The following CRYBG1 variants were observed in gnomAD, a reference collection of about 807,000 sequenced individuals.
The protein encoded by CRYBG1 is beta/gamma crystallin domain-containing protein 1.
A neutral mutation model predicts 189.2 loss-of-function variants in CRYBG1; 139 were observed. The observed-to-expected ratio is 0.73, with a 90% CI of 0.64 to 0.85. The LOEUF (loss-of-function observed/expected upper bound fraction) is 0.85. Ranked by LOEUF, CRYBG1 falls within the 40% of genes least tolerant of loss-of-function variation. The pLI, the probability that CRYBG1 is intolerant of heterozygous loss-of-function variation, is 0.00. For synonymous variants in CRYBG1, 1,023 were observed against 1,017.1 expected, an observed-to-expected ratio of 1.01 and a Z score of -0.11; for missense variants, 2,611 against 2,675.8, an observed-to-expected ratio of 0.98 and a Z score of 0.53.
intron 2 of CRYBG1, among the ~76,000 whole-genome samples, chr6:106,471,220 G>A (rs1772227137): frequency 6.6e-6 from 1 of 152,198 alleles, no homozygotes; most frequent in Non-Finnish European, 1.5e-5. Context: ...GGTTTCTTGA[G>A]AATGATTCTA....
At chr6:106,455,945 TTGCTAAATCAC>T (rs1232501730) in intron 2 of CRYBG1, among the ~76,000 whole-genome samples, 2 of 152,162 alleles carry the variant, frequency 1.3e-5, no homozygotes, top group Non-Finnish European at 2.9e-5. Flanking sequence ...CTATAGACTA[TTGCTAAATCAC>T]TGCTGCTCCT....
At chr6:106,378,536 G>A (rs543983266) in intron 1 of CRYBG1, among the ~76,000 whole-genome samples, 10 of 152,288 alleles carry the variant, frequency 6.6e-5, no homozygotes, top group African/African-American at 2.4e-4. Flanking sequence ...CTACCAGGTT[G>A]CCCTCTCTTA....
chr6:106,481,075 G>A (rs1255203151), intron 2 of CRYBG1, among the ~76,000 whole-genome samples: 5 of 84,976 alleles, frequency 5.9e-5, no homozygotes, highest in African/African-American at 1.6e-4. Context: ...CCGGGTTCAC[G>A]CCATTCTCCT....
rs557475793 is a variant in CRYBG1, at chr6:106,361,034, T to G, written c.126T>G (p.Cys42Trp). The change falls in exon 1 of 22, where the codon TGT becomes TGG. Residue 42 changes from cysteine to tryptophan, a missense_variant. This residue lies in a region of CRYBG1 where 985 missense variants were observed against 924.4 expected (regional missense o/e 1.07). Coordinates refer to ENST00000633556, the MANE Select transcript of CRYBG1 (RefSeq NM_001371242.2). ...KKKQQPAPPDCGVFVPHPLPA... is the reference protein window; with the variant it reads ...KKKQQPAPPDWGVFVPHPLPA... ...AGCAGCAGCCGGCGCCGCCTGACTG[T>G]GGGGTGTTCGTTCCGCACCCGCTCC... 184 of 1,534,960 alleles carry G rather than the reference T, an allele frequency of 1.2e-4. No individual in the cohort carries two copies. The African/African-American group carries it at 2.3e-3, about 19-fold the overall frequency.
At chr6:106,397,085 C>T (rs1770627990) in intron 1 of CRYBG1, among the ~76,000 whole-genome samples, 2 of 152,176 alleles carry the variant, frequency 1.3e-5, no homozygotes, top group South Asian at 4.1e-4. Flanking sequence ...CTATATTTTT[C>T]CAAGTGTCTT....
intron 8 of CRYBG1, 107 bp from the exon 9 acceptor site, chr6:106,539,296 G>A (rs567612941): frequency 1.4e-5 from 19 of 1,344,280 alleles, no homozygotes; most frequent in South Asian, 9.7e-5. Context: ...ATGTAGGTCC[G>A]TATCCTCTCC....
intron 2 of CRYBG1, among the ~76,000 whole-genome samples, chr6:106,490,515 A>T (rs1405408269): frequency 6.6e-6 from 1 of 152,222 alleles, no homozygotes; most frequent in Non-Finnish European, 1.5e-5. Context: ...CCCTATGAAC[A>T]CTTTCTCTAC....
At chr6:106,386,366 G>A (rs1371080918) in intron 1 of CRYBG1, among the ~76,000 whole-genome samples, 1 of 152,202 alleles carries the variant, frequency 6.6e-6, no homozygotes, top group Non-Finnish European at 1.5e-5. Context: ...CAGGAAAGAG[G>A]TGTGGACAGA....
chr6:106,415,023 A>G (rs539512355), intron 1 of CRYBG1, among the ~76,000 whole-genome samples: 2 of 152,284 alleles, frequency 1.3e-5, no homozygotes, highest in East Asian at 1.9e-4. Flanking sequence ...TTTCACATAA[A>G]TGTGTCTTTA....
chr6:106,544,228 C>T (rs2027561), intron 11 of CRYBG1, among the ~76,000 whole-genome samples: 53,674 of 152,054 alleles, frequency 0.35, 10,291 homozygotes, highest in Non-Finnish European at 0.42. Flanking sequence ...TCTTGTAAAT[C>T]GCTAACTATT....
intron 1 of CRYBG1, among the ~76,000 whole-genome samples, chr6:106,446,277 C>T (rs976846938): frequency 2.5e-4 from 38 of 152,322 alleles, no homozygotes; most frequent in African/African-American, 9.1e-4. Flanking sequence ...AAGTTTTCTC[C>T]TTCCTTTGTG....
intron 2 of CRYBG1, among the ~76,000 whole-genome samples, chr6:106,455,103 T>C (rs1034146212): frequency 3.9e-5 from 6 of 152,218 alleles, no homozygotes; most frequent in African/African-American, 1.4e-4. Context: ...GGATTGTATA[T>C]TTATTTATAC....
Position 106,430,596 on chromosome 6 carries a change from A to G in CRYBG1, c.174-21098A>G, listed in dbSNP as rs559472040. Among the ~76,000 whole-genome samples, 16 of 152,244 alleles carry G rather than the reference A, an allele frequency of 1.1e-4. No individual in the cohort carries two copies. In the East Asian group the frequency reaches 2.1e-3, roughly 20 times the overall value. Reference sequence around the variant, plus strand: ...CGTGTAACATGGCTCCTACAGTCACATGCCTGATGCGTCAGCTAGGGTGGC... The same window carrying G: ...CGTGTAACATGGCTCCTACAGTCACGTGCCTGATGCGTCAGCTAGGGTGGC... On this transcript the variant is annotated intron_variant, in intron 1 of 21. Transcript: ENST00000633556.
intron 1 of CRYBG1, among the ~76,000 whole-genome samples, chr6:106,386,103 A>G (rs1770384400): frequency 6.6e-6 from 1 of 152,240 alleles, no homozygotes; most frequent in Non-Finnish European, 1.5e-5. Context: ...AGCCAGTCAC[A>G]ACATATTATA....
At position 106,569,670 on chromosome 6, in the gene CRYBG1, T is replaced by C. The variant is rs1276763840; in HGVS notation, c.*1104T>C. ...TACTCATCTACAAGTGCTGAAGCAA[T>C]GTTACATACTTTTTTGCTAAACTCA... On this transcript the variant is annotated 3_prime_UTR_variant, in exon 22 of 22. Transcript: ENST00000633556. 1 of 152,188 alleles carries C rather than the reference T, an allele frequency of 6.6e-6. No individual in the cohort carries two copies. The highest frequency in any genetic ancestry group is 1.5e-5 in the Non-Finnish European group (1 of 68,034). 9.4% of individuals were successfully genotyped at this position (152,188 alleles called of 1,614,324 possible).
At chr6:106,478,865 C>T (rs1025771943) in intron 2 of CRYBG1, among the ~76,000 whole-genome samples, 1 of 152,200 alleles carries the variant, frequency 6.6e-6, no homozygotes, top group Admixed American at 6.5e-5. Context: ...ATCTAGATTG[C>T]ATGCTCCTTA....
At chr6:106,397,026 T>C (rs1449957217) in intron 1 of CRYBG1, among the ~76,000 whole-genome samples, 1 of 152,220 alleles carries the variant, frequency 6.6e-6, no homozygotes, top group Non-Finnish European at 1.5e-5. Flanking sequence ...TGTAGAGACA[T>C]CTAAACTAAA....
At chr6:106,455,084 A>G (rs1001780524) in intron 2 of CRYBG1, among the ~76,000 whole-genome samples, 31 of 152,352 alleles carry the variant, frequency 2.0e-4, no homozygotes, top group African/African-American at 7.5e-4. Flanking sequence ...AAGTTAGAAA[A>G]ATCATCAGGG....
chr6:106,512,251 G>C lies in CRYBG1; in HGVS notation c.1134G>C (p.Leu378Phe). The C allele has an allele frequency of 6.5e-7, 1 of 1,549,044 alleles. No individual in the cohort carries two copies. The highest frequency in any genetic ancestry group is 1.4e-5 in the African/African-American group (1 of 73,958). The change falls in exon 3 of 22, where the codon TTG becomes TTC. Residue 378 changes from leucine to phenylalanine, a missense_variant. Physicochemically the swap from Leu to Phe is conservative, Grantham distance 22. This residue lies in a region of CRYBG1 where 985 missense variants were observed against 924.4 expected (regional missense o/e 1.07). Coordinates refer to ENST00000633556, the MANE Select transcript of CRYBG1 (RefSeq NM_001371242.2). ...CCCACCCTGCTAAGGTGCTAACTTT[G>C]GACATCTACTTGAGTAAGACTGAGG... is the stretch of plus-strand genomic sequence containing the variant. ...GHAHPAKVLT[L>F]DIYLSKTEGA...
Sources: allele counts gnomAD v4.1 joint callset (sites outside exome capture counted in the v4.1 genomes callset), GRCh38; gene constraint gnomAD v4.1.1; regional missense constraint gnomAD v4.1.1; transcripts MANE v1.5; gene names NCBI Gene and HGNC (gene_info 2026-07-23, HGNC 2026-07-21).